ARAP2: variants seen among roughly 807,000 people sequenced by gnomAD.
ARAP2 encodes the protein ArfGAP with RhoGAP domain, ankyrin repeat and PH domain 2, also known as arf-GAP with Rho-GAP domain, ANK repeat and PH domain-containing protein 2.
A neutral mutation model predicts 194.5 loss-of-function variants in ARAP2; 148 were observed. The ratio of observed to expected loss-of-function variants is 0.76; its 90% CI spans 0.67 to 0.87. ARAP2 has a LOEUF of 0.87. Among genes scored for constraint, ARAP2 ranks in the 40% least tolerant of loss-of-function variants. The pLI, the probability that ARAP2 is intolerant of heterozygous loss-of-function variation, is 0.00. For missense variants in ARAP2, 2,128 were observed against 1,989.7 expected, an observed-to-expected ratio of 1.07 and a Z score of -1.32; for synonymous variants, 695 against 683.5, an observed-to-expected ratio of 1.02 and a Z score of -0.26.
intron 9 of ARAP2, among the ~76,000 whole-genome samples, chr4:36,172,929 G>A (rs1736977332): frequency 2.0e-5 from 3 of 152,062 alleles, no homozygotes; most frequent in African/African-American, 4.8e-5. Context: ...ACAACCCATC[G>A]CCCTATGAGG....
At chr4:36,061,632 C>T (rs1317906235), downstream of ARAP2, among the ~76,000 whole-genome samples, 6 of 152,274 alleles carry the variant, frequency 3.9e-5, no homozygotes, top group Admixed American at 3.3e-4. Context: ...CATGGGAGTG[C>T]TGCTATCTCT....
At chr4:36,155,636 T>C (rs2109749717) in intron 15 of ARAP2, among the ~76,000 whole-genome samples, 1 of 151,280 alleles carries the variant, frequency 6.6e-6, no homozygotes, top group African/African-American at 2.4e-5. Context: ...AGAAGGTCTT[T>C]TTTATTTTTT....
intron 9 of ARAP2, among the ~76,000 whole-genome samples, chr4:36,007,968 T>C (rs984709092): frequency 1.2e-4 from 18 of 151,916 alleles, no homozygotes; most frequent in African/African-American, 4.4e-4. Context: ...ATGAAATGCC[T>C]AGAAATACAG....
At chr4:36,218,528 C>A (rs1329524054) in intron 2 of ARAP2, among the ~76,000 whole-genome samples, 1 of 152,076 alleles carries the variant, frequency 6.6e-6, no homozygotes, top group Non-Finnish European at 1.5e-5. Context: ...AAGACTAGAT[C>A]ACCTGCACAT....
chr4:36,083,399 C>T lies in ARAP2; in HGVS notation c.4477G>A (p.Gly1493Arg). The change falls in exon 29 of 33, where the codon GGA (glycine) becomes AGA (arginine). Residue 1493 changes from glycine (G) to arginine (R), a missense_variant. Physicochemically the swap from Gly to Arg is moderately radical, Grantham distance 125 (BLOSUM62 -2). Transcript: ENST00000303965. ...GGAGGCTTCATTTTCTTTTTCACTC[C>T]ACGATAAAACTTCATGGAACTGAGA... ...FSLSSMKFYRGVKKKMKPPTS... is the reference protein window; with the variant it reads ...FSLSSMKFYRRVKKKMKPPTS... 1 of 1,608,384 alleles carries T rather than the reference C, an allele frequency of 6.2e-7. No homozygotes were observed. The highest frequency in any genetic ancestry group is 1.7e-5 in the Admixed American group (1 of 59,138).
At chr4:36,178,582 T>C (rs1220805907) in intron 8 of ARAP2, among the ~76,000 whole-genome samples, 1 of 152,184 alleles carries the variant, frequency 6.6e-6, no homozygotes, top group Non-Finnish European at 1.5e-5. Context: ...GTTCTCCTAC[T>C]CCTTCCACAA....
intron 27 of ARAP2, among the ~76,000 whole-genome samples, chr4:36,103,089 T>A (rs1032933275): frequency 2.0e-5 from 3 of 151,828 alleles, no homozygotes; most frequent in South Asian, 2.1e-4. Context: ...GTCTTTTTTT[T>A]TAAGTTCATA....
At chr4:36,236,632 A>G (rs942502996) in intron 1 of ARAP2, among the ~76,000 whole-genome samples, 3 of 152,216 alleles carry the variant, frequency 2.0e-5, no homozygotes, top group Non-Finnish European at 4.4e-5. Flanking sequence ...ATGAATCATG[A>G]AACTTTTCAA....
intron 3 of ARAP2, among the ~76,000 whole-genome samples, chr4:36,047,480 G>T (rs928456633): frequency 2.8e-4 from 43 of 152,100 alleles, no homozygotes; most frequent in African/African-American, 1.0e-3. Context: ...CAACCATCCT[G>T]TTATGTAAAA....
At chr4:36,044,051 A>G (rs1294569921) in intron 5 of ARAP2, among the ~76,000 whole-genome samples, 1 of 152,092 alleles carries the variant, frequency 6.6e-6, no homozygotes, top group African/African-American at 2.4e-5. Flanking sequence ...ACCAGTATGG[A>G]AGAGAAGCAC....
At chr4:36,038,012 T>C (rs1400335220) in intron 5 of ARAP2, among the ~76,000 whole-genome samples, 3 of 152,202 alleles carry the variant, frequency 2.0e-5, no homozygotes, top group Non-Finnish European at 4.4e-5. Context: ...TTTTGTGCTT[T>C]TTGTGTCTTC....
rs541774925 is a variant in ARAP2, at chr4:36,082,308, A to G, written c.4509-22T>C. 14 of 1,599,942 alleles carry G rather than the reference A, an allele frequency of 8.8e-6. No homozygotes were observed. In the Admixed American group the frequency reaches 2.4e-4, roughly 27 times the overall value. ...CCAGCTGCATCACATAGAAAAAAAA[A>G]CACACATAAATTAAAAATAATACAT... On this transcript the variant is annotated intron_variant, in intron 29 of 32. Transcript: ENST00000303965.
At chr4:36,162,910 T>A (rs1299609980) in intron 11 of ARAP2, among the ~76,000 whole-genome samples, 3 of 152,136 alleles carry the variant, frequency 2.0e-5, no homozygotes, top group Admixed American at 6.5e-5. Flanking sequence ...GTGTCTCAGA[T>A]TTTAGGCTTT....
intron 5 of ARAP2, among the ~76,000 whole-genome samples, chr4:36,038,686 T>C (rs981283850): frequency 1.3e-5 from 2 of 152,208 alleles, no homozygotes; most frequent in African/African-American, 2.4e-5. Flanking sequence ...AAGGTGAAGA[T>C]GAGAAGCAAC....
intron 9 of ARAP2, 29 bp from the exon 10 acceptor site, chr4:36,167,076 T>C (rs778678991): frequency 1.6e-6 from 2 of 1,232,488 alleles, no homozygotes; most frequent in Non-Finnish European, 2.3e-6. Flanking sequence ...TAAAAAACTA[T>C]AAAGAAACAA....
At chr4:36,099,140 G>A (rs183654078) in intron 27 of ARAP2, among the ~76,000 whole-genome samples, 76 of 151,706 alleles carry the variant, frequency 5.0e-4, no homozygotes, top group African/African-American at 1.4e-3. Flanking sequence ...ACTTATAAGC[G>A]AGAACATGCG....
At chr4:36,197,293 G>A (rs576188491) in intron 6 of ARAP2, among the ~76,000 whole-genome samples, 17 of 152,212 alleles carry the variant, frequency 1.1e-4, no homozygotes, top group Admixed American at 1.0e-3. Context: ...TATAAAACCA[G>A]TGACTATCAT....
chr4:36,232,025 T>C (rs1190300717), intron 1 of ARAP2, among the ~76,000 whole-genome samples: 1 of 152,196 alleles, frequency 6.6e-6, no homozygotes, highest in Non-Finnish European at 1.5e-5. Context: ...CAGAGCCCTC[T>C]ATGTAAGGAC....
At chr4:36,008,071 A>G (rs147722688) in intron 9 of ARAP2, among the ~76,000 whole-genome samples, 1 of 152,220 alleles carries the variant, frequency 6.6e-6, no homozygotes, top group East Asian at 1.9e-4. Flanking sequence ...AAAATGACCC[A>G]AGCTTATGGG....
Sources: allele counts gnomAD v4.1 joint callset (sites outside exome capture counted in the v4.1 genomes callset), GRCh38; gene constraint gnomAD v4.1.1; transcripts MANE v1.5; gene names NCBI Gene and HGNC (gene_info 2026-07-23, HGNC 2026-07-21).